SH3KBP1: variants seen among roughly 807,000 people sequenced by gnomAD.
SH3KBP1 encodes the protein SH3 domain containing kinase binding protein 1.
Under a neutral mutation model 50.1 loss-of-function variants are expected in SH3KBP1, and 8 were observed. The observed-to-expected ratio is 0.16, with a 90% CI of 0.09 to 0.29. SH3KBP1 has a LOEUF of 0.29. Among genes scored for constraint, SH3KBP1 ranks in the 10% least tolerant of loss-of-function variants. The pLI is 1.00. For synonymous variants in SH3KBP1, 227 were observed against 218.6 expected, an observed-to-expected ratio of 1.04 and a Z score of -0.34; for missense variants, 377 against 535.2, an observed-to-expected ratio of 0.70 and a Z score of 2.92.
At chrX:19,591,232 C>G (rs1221433194) in intron 11 of SH3KBP1, among the ~76,000 whole-genome samples, 1 of 111,320 alleles carries the variant, frequency 9.0e-6, no homozygotes, top group East Asian at 2.8e-4. Flanking sequence ...ATTAATTCAG[C>G]ATTTCTCTTG....
chrX:19,668,972 A>C (rs963974883), intron 6 of SH3KBP1, among the ~76,000 whole-genome samples: 1 of 52,205 alleles, frequency 1.9e-5, no homozygotes, highest in African/African-American at 8.2e-5. Context: ...ATATATATAT[A>C]TATTTTTTGA....
chrX:19,567,535 A>T (rs2065880998), intron 13 of SH3KBP1, among the ~76,000 whole-genome samples: 2 of 62,389 alleles, frequency 3.2e-5, no homozygotes, highest in African/African-American at 1.6e-4. Flanking sequence ...AAAAAAAAAA[A>T]AAAAAAAAAA....
chrX:19,734,952 T>C (rs2064501497), intron 3 of SH3KBP1, among the ~76,000 whole-genome samples: 1 of 112,343 alleles, frequency 8.9e-6, no homozygotes, highest in Non-Finnish European at 1.9e-5. Flanking sequence ...TTGGCTATTA[T>C]GAATAATGCT....
In SH3KBP1 at chrX:19,646,949, G is replaced by A. The variant is rs1273246158; in HGVS notation, c.727-1474C>T. Reference sequence around the variant, plus strand: ...TTTGATGATTCCAGGGGAACATCAGGGATGAAAAAAGCTTGATGTTATTCT... The same window carrying A: ...TTTGATGATTCCAGGGGAACATCAGAGATGAAAAAAGCTTGATGTTATTCT... On this transcript the variant is annotated intron_variant, in intron 6 of 17. Transcript: ENST00000397821. 4.5e-5 allele frequency among the ~76,000 whole-genome samples: 5 copies of A among 112,055 alleles called. No individual in the cohort carries two copies. In the East Asian group the frequency reaches 1.4e-3, roughly 31 times the overall value.
intron 6 of SH3KBP1, chrX:19,683,454 T>C: frequency 3.0e-6 from 1 of 337,937 alleles, no homozygotes; most frequent in Non-Finnish European, 5.7e-6. Context: ...ACTAGAGAAA[T>C]GTACAAGGAG....
At chrX:19,541,175 C>T (rs917173872) in intron 16 of SH3KBP1, among the ~76,000 whole-genome samples, 3 of 112,241 alleles carry the variant, frequency 2.7e-5, no homozygotes, top group African/African-American at 9.7e-5. Context: ...CCTTGGCCTC[C>T]CAAAGTGCTG....
At position 19,535,068 on chromosome X, in the gene SH3KBP1, C is replaced by T. The variant is rs2064672987; in HGVS notation, c.*1349G>A. 1.0e-5 allele frequency: 3 copies of T among 297,132 alleles called. No homozygotes were observed. Among genetic ancestry groups the T allele is most frequent in the Non-Finnish European group, 1.8e-5 (3 of 170,138 alleles). 24.5% of individuals were successfully genotyped at this position (297,132 alleles called of 1,213,427 possible). ...ATCTTCAGGGGCCATTAAGGGACCA[C>T]CCCCTCCACCCCTACCCCTGAACAG... On this transcript the variant is annotated 3_prime_UTR_variant, in exon 18 of 18. Transcript: ENST00000397821.
At chrX:19,861,386 A>C (rs2068773874) in intron 1 of SH3KBP1, among the ~76,000 whole-genome samples, 1 of 110,813 alleles carries the variant, frequency 9.0e-6, no homozygotes, top group South Asian at 3.7e-4. Context: ...CAAAAAAATA[A>C]ATAAAAAATA....
chrX:19,816,641 T>C (rs1004675644), intron 2 of SH3KBP1, among the ~76,000 whole-genome samples: 2 of 110,502 alleles, frequency 1.8e-5, no homozygotes, highest in African/African-American at 6.6e-5. Flanking sequence ...ACTCCATCTC[T>C]ACAAAAAATA....
intron 1 of SH3KBP1, among the ~76,000 whole-genome samples, chrX:19,863,651 G>A (rs1377339475): frequency 9.0e-6 from 1 of 111,424 alleles, no homozygotes; most frequent in Non-Finnish European, 1.9e-5. Context: ...CTCCTGGGAC[G>A]GGGTCCCCAG....
At chrX:19,874,613 T>G (rs868734244) in intron 1 of SH3KBP1, among the ~76,000 whole-genome samples, 56 of 68,650 alleles carry the variant, frequency 8.2e-4, no homozygotes, top group Admixed American at 1.2e-3. Flanking sequence ...AGAGGAGGGG[T>G]GAGGAAGAGA....
intron 13 of SH3KBP1, among the ~76,000 whole-genome samples, chrX:19,550,446 G>A (rs1045485536): frequency 9.0e-6 from 1 of 111,065 alleles, no homozygotes; most frequent in Non-Finnish European, 1.9e-5. Context: ...TGGCAGTCTC[G>A]ACACAAAAGG....
intron 2 of SH3KBP1, among the ~76,000 whole-genome samples, chrX:19,791,183 C>T (rs1379575976): frequency 9.0e-6 from 1 of 110,798 alleles, no homozygotes; most frequent in Non-Finnish European, 1.9e-5. Flanking sequence ...TAATTTATGC[C>T]AGGCATGAAA....
chrX:19,541,150 C>G (rs2064879410), intron 16 of SH3KBP1, among the ~76,000 whole-genome samples: 3 of 112,085 alleles, frequency 2.7e-5, no homozygotes, highest in Non-Finnish European at 5.6e-5. Flanking sequence ...CTCCTGACCT[C>G]AGGTGATTCA....
At chrX:19,692,592 C>T (rs1207897916) in intron 5 of SH3KBP1, among the ~76,000 whole-genome samples, 2 of 105,465 alleles carry the variant, frequency 1.9e-5, no homozygotes, top group Non-Finnish European at 3.9e-5. Context: ...CATATATATA[C>T]ACACACATAT....
At chrX:19,646,598 G>A (rs2061994326) in intron 6 of SH3KBP1, among the ~76,000 whole-genome samples, 1 of 111,971 alleles carries the variant, frequency 8.9e-6, no homozygotes, top group African/African-American at 3.2e-5. Context: ...CACATGAAGA[G>A]GAATGAACTG....
At chrX:19,753,779 C>T (rs1239683294) in intron 2 of SH3KBP1, among the ~76,000 whole-genome samples, 1 of 111,799 alleles carries the variant, frequency 8.9e-6, no homozygotes, top group African/African-American at 3.3e-5. Flanking sequence ...TTCATTAGAA[C>T]TGTAAAGAAG....
At chrX:19,738,632 T>C (rs1307228012) in intron 3 of SH3KBP1, among the ~76,000 whole-genome samples, 1 of 97,061 alleles carries the variant, frequency 1.0e-5, no homozygotes, top group African/African-American at 4.0e-5. Flanking sequence ...CAAACTTCAG[T>C]GGGCACCGAT....
chrX:19,575,759 C>A (rs1656778809), intron 12 of SH3KBP1, among the ~76,000 whole-genome samples: 1 of 112,112 alleles, frequency 8.9e-6, no homozygotes, highest in African/African-American at 3.2e-5. Context: ...ATGCCTTTCA[C>A]TGTATTTATA....
Sources: allele counts gnomAD v4.1 joint callset (sites outside exome capture counted in the v4.1 genomes callset), GRCh38; gene constraint gnomAD v4.1.1; transcripts MANE v1.5; gene names NCBI Gene and HGNC (gene_info 2026-07-23, HGNC 2026-07-21).